The following GEN1 variants were observed in gnomAD, a reference collection of about 807,000 sequenced individuals.
GEN1 encodes flap endonuclease GEN homolog 1.
In GEN1, 64 loss-of-function variants were observed where a neutral mutation model predicts 67.6. That is an observed-to-expected ratio of 0.95 (90% confidence interval 0.77 to 1.17). GEN1 has a LOEUF of 1.17. GEN1 is among the 50% of genes most tolerant of loss of function. The pLI, the probability that GEN1 is intolerant of heterozygous loss-of-function variation, is 0.00. For synonymous variants in GEN1, 371 were observed against 359.4 expected, an observed-to-expected ratio of 1.03 and a Z score of -0.37; for missense variants, 1,058 against 1,048.3, an observed-to-expected ratio of 1.01 and a Z score of -0.13.
chr2:17,773,318 T>G lies in GEN1; in HGVS notation c.1071+19T>G. On this transcript the variant is annotated intron_variant, in intron 10 of 13. Coordinates refer to ENST00000381254, the MANE Select transcript of GEN1 (RefSeq NM_001130009.3). ...GTTTCAGGTATCTGAAAATAAATTC[T>G]TCTTTACTGTATGAAGTTATATGCT... The G allele has an allele frequency of 2.8e-6, 4 of 1,423,776 alleles. No individual in the cohort carries two copies. Among genetic ancestry groups the G allele is most frequent in the Non-Finnish European group, 3.9e-6 (4 of 1,019,792 alleles). 88.2% of individuals were successfully genotyped at this position (1,423,776 alleles called of 1,614,324 possible). A position where few individuals can be genotyped will look rare whatever the true frequency, so the allele number is the denominator to read the frequency against.
At chr2:17,773,858 GTAA>G (rs1247652214) in intron 10 of GEN1, among the ~76,000 whole-genome samples, 1 of 152,082 alleles carries the variant, frequency 6.6e-6, no homozygotes, top group Non-Finnish European at 1.5e-5. Flanking sequence ...CCAGCTGTAA[GTAA>G]TGACAGCCAC....
In GEN1 at chr2:17,777,959, T is replaced by C. The variant is rs1672519997; in HGVS notation, c.1203-43T>C. The C allele has an allele frequency of 3.6e-6, 4 of 1,118,634 alleles. No homozygotes were observed. In the South Asian group the frequency reaches 3.9e-5, roughly 11 times the overall value. 69.3% of individuals were successfully genotyped at this position (1,118,634 alleles called of 1,614,324 possible). A position where few individuals can be genotyped will look rare whatever the true frequency, so the allele number is the denominator to read the frequency against. On this transcript the variant is annotated intron_variant, in intron 11 of 13. Coordinates refer to ENST00000381254, the MANE Select transcript of GEN1 (RefSeq NM_001130009.3). ...AGGTTAGAAATGGAAAATTTCCAAA[T>C]ATCTTATGCAATTAGACTTCATTAA...
intron 1 of GEN1, among the ~76,000 whole-genome samples, chr2:17,757,120 A>G (rs542803739): frequency 2.8e-4 from 42 of 152,336 alleles, no homozygotes; most frequent in African/African-American, 9.9e-4. Flanking sequence ...TTTCCGACAA[A>G]AGAAATGAAA....
chr2:17,777,055 G>T (rs1005261316), intron 11 of GEN1, among the ~76,000 whole-genome samples: 1 of 152,126 alleles, frequency 6.6e-6, no homozygotes, highest in African/African-American at 2.4e-5. Context: ...GAACCCAGGA[G>T]GCAGAGGTTA....
intron 1 of GEN1, chr2:17,755,395 C>T (rs1450049303): frequency 6.6e-6 from 1 of 152,186 alleles, no homozygotes; most frequent in African/African-American, 2.4e-5. Flanking sequence ...CTTGATCTTC[C>T]ATTATTGTAT....
At chr2:17,753,888 TGA>T (rs1190010535), upstream of GEN1, 1 of 152,020 alleles carries the variant, frequency 6.6e-6, no homozygotes, top group East Asian at 1.9e-4. Flanking sequence ...CGCCGGAGTC[TGA>T]GAGGCCGGAA....
At chr2:17,773,458 T>C (rs939606160) in intron 10 of GEN1, among the ~76,000 whole-genome samples, 159 bp downstream of exon 10, 20 of 152,152 alleles carry the variant, frequency 1.3e-4, no homozygotes, top group Non-Finnish European at 2.9e-4. Flanking sequence ...TGCCATACAG[T>C]GGCCATCTTT....
In GEN1 at chr2:17,777,985, A is replaced by T; in HGVS notation, c.1203-17A>T. ...ATCTTATGCAATTAGACTTCATTAA[A>T]TGAATTTGTTTTTCAGAATTGTTAA... On this transcript the variant is annotated splice_polypyrimidine_tract_variant and intron_variant, in intron 11 of 13. Coordinates refer to ENST00000381254, the MANE Select transcript of GEN1 (RefSeq NM_001130009.3). 3 of 1,449,392 alleles carry T rather than the reference A, an allele frequency of 2.1e-6. No homozygotes were observed. Among genetic ancestry groups the T allele is most frequent in the Non-Finnish European group, 2.9e-6 (3 of 1,033,062 alleles). 89.8% of individuals were successfully genotyped at this position (1,449,392 alleles called of 1,614,324 possible). A position where few individuals can be genotyped will look rare whatever the true frequency, so the allele number is the denominator to read the frequency against.
At position 17,781,467 on chromosome 2, in the gene GEN1, C is replaced by CTTCTGTCCCTTAT; in HGVS notation, c.2257_2269dup (p.Ser757PhefsTer8). The CTTCTGTCCCTTAT allele has an allele frequency of 6.2e-7, 1 of 1,613,470 alleles. No homozygotes were observed. On this transcript the variant is annotated frameshift_variant, in exon 14 of 14. Transcript: ENST00000381254. LOFTEE classifies it low-confidence loss of function (END_TRUNC). ...CTTCAAGAAGACTATAAAGTCAATACTTCTGTCCCTTATTCTGTCAGTAAC... is the reference window on the plus strand; with the variant it reads ...CTTCAAGAAGACTATAAAGTCAATACTTCTGTCCCTTATTTCTGTCCCTTATTCTGTCAGTAAC...
chr2:17,773,615 G>A (rs1207831130), intron 10 of GEN1, among the ~76,000 whole-genome samples: 2 of 151,990 alleles, frequency 1.3e-5, no homozygotes, highest in African/African-American at 2.4e-5. Flanking sequence ...ATGGAAGGTA[G>A]TATCATTTAC....
Position 17,781,125 on chromosome 2 carries a change from G to C in GEN1, c.1913G>C (p.Arg638Thr). 6.2e-7 allele frequency: 1 copy of C among 1,613,840 alleles called. No homozygotes were observed. The highest frequency in any genetic ancestry group is 1.1e-5 in the South Asian group (1 of 91,068). The change falls in exon 14 of 14, where the codon AGG (arginine) becomes ACG (threonine). Residue 638 changes from arginine (R) to threonine (T), a missense_variant. By Grantham distance (71) the Arg-to-Thr change is moderately conservative. Coordinates refer to ENST00000381254, the MANE Select transcript of GEN1 (RefSeq NM_001130009.3). ...GAACAACTGTCCTGTGAATCAGAAA[G>C]GTACACTGCAAACATAAAGAAAGTG... ...IPEQLSCESE[R>T]YTANIKKVLD...
intron 5 of GEN1, among the ~76,000 whole-genome samples, chr2:17,768,240 A>G (rs1251042374): frequency 6.6e-6 from 1 of 152,220 alleles, no homozygotes; most frequent in Non-Finnish European, 1.5e-5. Context: ...GTATATTGGA[A>G]ATTCACACTT....
intron 1 of GEN1, chr2:17,755,842 A>G (rs2125113365): frequency 6.6e-6 from 1 of 152,296 alleles, no homozygotes; most frequent in Non-Finnish European, 1.5e-5. Context: ...CACCTCATTC[A>G]GTTTTATAAT....
In GEN1 at chr2:17,787,056, C is replaced by T. The variant is rs549250092; in HGVS notation, c.*5117C>T. ...AGCCACCTAAGACCATTTGTTATTC[C>T]CTGCACGGATGTCTCTGCCTGAAAT... On this transcript the variant is annotated 3_prime_UTR_variant, in exon 14 of 14. Coordinates refer to ENST00000381254, the MANE Select transcript of GEN1 (RefSeq NM_001130009.3). The T allele has an allele frequency of 1.3e-5, 2 of 152,292 alleles. No homozygotes were observed. The highest frequency in any genetic ancestry group is 4.1e-4 in the South Asian group (2 of 4,828). 9.4% of individuals were successfully genotyped at this position (152,292 alleles called of 1,614,324 possible). A position where few individuals can be genotyped will look rare whatever the true frequency, so the allele number is the denominator to read the frequency against.
At chr2:17,756,252 G>C (rs1304369265) in intron 1 of GEN1, among the ~76,000 whole-genome samples, 1 of 152,164 alleles carries the variant, frequency 6.6e-6, no homozygotes, top group Non-Finnish European at 1.5e-5. Context: ...GGTTTGCTAT[G>C]TGTTCTGACT....
rs559955055 is a variant in GEN1 at position 17,787,257 on chromosome 2, A to G, written c.*5318A>G. 1 of 152,216 alleles carries G rather than the reference A, an allele frequency of 6.6e-6. No homozygotes were observed. Among genetic ancestry groups the G allele is most frequent in the Non-Finnish European group, 1.5e-5 (1 of 68,044 alleles). 9.4% of individuals were successfully genotyped at this position (152,216 alleles called of 1,614,324 possible). A position where few individuals can be genotyped will look rare whatever the true frequency, so the allele number is the denominator to read the frequency against. On this transcript the variant is annotated 3_prime_UTR_variant, in exon 14 of 14. Transcript: ENST00000381254. Reference sequence around the variant, plus strand: ...TCATTCGTTCCACAAATATTAGCTGATGCCTGCCGTGTAGGAGGCACAATA... The same window carrying G: ...TCATTCGTTCCACAAATATTAGCTGGTGCCTGCCGTGTAGGAGGCACAATA...
intron 12 of GEN1, among the ~76,000 whole-genome samples, chr2:17,778,777 CTT>C (rs57128792): frequency 4.1e-5 from 6 of 146,002 alleles, no homozygotes; most frequent in Admixed American, 6.9e-5. Flanking sequence ...ACTTCCTTTC[CTT>C]TTTTTTTTTA....
intron 6 of GEN1, 85 bp from the exon 7 acceptor site, chr2:17,771,111 G>A (rs1480050956): frequency 7.4e-6 from 6 of 809,764 alleles, no homozygotes; most frequent in Non-Finnish European, 1.3e-5. Context: ...AGGTGAAAGG[G>A]AATAGATCAG....
Position 17,761,541 on chromosome 2 carries a change from C to G in GEN1, c.307C>G (p.Gln103Glu). 6.2e-7 allele frequency: 1 copy of G among 1,612,052 alleles called. No individual in the cohort carries two copies. The highest frequency in any genetic ancestry group is 8.5e-7 in the Non-Finnish European group (1 of 1,179,430). The part of the protein sequence containing the change: ...RYGSSGKSWS[Q>E]KTGRSHFKSV... ...TGGGTCTTCTGGAAAATCGTGGTCTCAGAAAACAGGGAGATCACATTTTAA... is the reference window on the plus strand; with the variant it reads ...TGGGTCTTCTGGAAAATCGTGGTCTGAGAAAACAGGGAGATCACATTTTAA... The change falls in exon 3 of 14, where the codon CAG becomes GAG. Residue 103 changes from glutamine (Q) to glutamate (E), a missense_variant. Transcript: ENST00000381254.
Sources: allele counts gnomAD v4.1 joint callset (sites outside exome capture counted in the v4.1 genomes callset), GRCh38; gene constraint gnomAD v4.1.1; transcripts MANE v1.5; gene names NCBI Gene and HGNC (gene_info 2026-07-23, HGNC 2026-07-21).